GHR: variants seen among roughly 807,000 people sequenced by gnomAD.
GHR encodes the protein GH receptor.
In GHR, 35 loss-of-function variants were observed where a neutral mutation model predicts 67.1. The observed-to-expected ratio is 0.52, with a 90% CI of 0.40 to 0.69. GHR has a LOEUF of 0.69. Ranked by LOEUF, GHR falls within the 30% of genes least tolerant of loss-of-function variation. The pLI, the probability that GHR is intolerant of heterozygous loss-of-function variation, is 0.00. For synonymous variants in GHR, 272 were observed against 269.1 expected (o/e 1.01, Z -0.10); for missense variants, 792 against 764.6 (o/e 1.04, Z -0.42).
chr5:42,645,568 C>A (rs1754688390), intron 3 of GHR, among the ~76,000 whole-genome samples: 2 of 152,144 alleles, frequency 1.3e-5, no homozygotes, highest in Admixed American at 6.5e-5. Context: ...CCTTCTAATT[C>A]TTTGCTCTTG....
At chr5:42,689,805 G>A (rs146824175) in intron 4 of GHR, among the ~76,000 whole-genome samples, 31 of 152,284 alleles carry the variant, frequency 2.0e-4, no homozygotes, top group Admixed American at 4.6e-4. Context: ...AGGTGTTTTT[G>A]AAAAGATATA....
At chr5:42,547,568 C>G (rs184590124) in intron 1 of GHR, among the ~76,000 whole-genome samples, 1 of 152,178 alleles carries the variant, frequency 6.6e-6, no homozygotes, top group East Asian at 1.9e-4. Flanking sequence ...TAAAGGAGAT[C>G]TATTTCCCTC....
At chr5:42,605,917 A>T (rs951717197) in intron 2 of GHR, among the ~76,000 whole-genome samples, 1 of 152,174 alleles carries the variant, frequency 6.6e-6, no homozygotes, top group Non-Finnish European at 1.5e-5. Flanking sequence ...ATGCAGTCTA[A>T]CTCCGTCCAG....
chr5:42,458,168 GAA>G (rs1385055772), intron 1 of GHR, among the ~76,000 whole-genome samples: 1 of 152,108 alleles, frequency 6.6e-6, no homozygotes, highest in East Asian at 1.9e-4. Flanking sequence ...TGGACAATGA[GAA>G]TGTTTTTGTC....
chr5:42,588,204 T>C (rs1172189530), intron 2 of GHR, among the ~76,000 whole-genome samples: 1 of 151,896 alleles, frequency 6.6e-6, no homozygotes, highest in Non-Finnish European at 1.5e-5. Flanking sequence ...GGTCAGGCAG[T>C]GGTGGATGGT....
chr5:42,640,250 G>A (rs1036335786), intron 3 of GHR, among the ~76,000 whole-genome samples: 1 of 152,036 alleles, frequency 6.6e-6, no homozygotes, highest in African/African-American at 2.4e-5. Context: ...TTGGGGAGCT[G>A]GGAACCATGA....
intron 1 of GHR, among the ~76,000 whole-genome samples, chr5:42,505,122 GTTTT>G (rs35690685): frequency 7.4e-6 from 1 of 134,910 alleles, no homozygotes; most frequent in Non-Finnish European, 1.6e-5. Flanking sequence ...GCTGTTGACT[GTTTT>G]TTTTTTTTTT....
intron 1 of GHR, chr5:42,467,027 C>A (rs1744761984): frequency 6.4e-7 from 1 of 1,564,642 alleles, no homozygotes; most frequent in South Asian, 1.1e-5. Flanking sequence ...TGTCTGAAGG[C>A]CTTCCCACAC....
At chr5:42,486,809 T>G (rs925575676) in intron 1 of GHR, among the ~76,000 whole-genome samples, 1 of 144,960 alleles carries the variant, frequency 6.9e-6, no homozygotes, top group African/African-American at 2.6e-5. Flanking sequence ...ATCGCGCCAC[T>G]GCACTCCAGC....
At chr5:42,496,245 T>G (rs1189777162) in intron 1 of GHR, among the ~76,000 whole-genome samples, 4 of 152,160 alleles carry the variant, frequency 2.6e-5, no homozygotes, top group Non-Finnish European at 4.4e-5. Flanking sequence ...AGAGAATTGG[T>G]TCCTCCTGAT....
At chr5:42,465,289 G>C in intron 1 of GHR, 1 of 651,316 alleles carries the variant, frequency 1.5e-6, no homozygotes, top group Non-Finnish European at 2.7e-6. Flanking sequence ...TGAATGTGAT[G>C]ATCTTGAAGA....
intron 6 of GHR, among the ~76,000 whole-genome samples, chr5:42,709,705 T>C (rs1167723901): frequency 6.6e-6 from 1 of 152,144 alleles, no homozygotes; most frequent in East Asian, 1.9e-4. Context: ...ACATAATTAA[T>C]AATAGAAGAA....
At chr5:42,677,435 T>C (rs1363404788) in intron 3 of GHR, among the ~76,000 whole-genome samples, 1 of 152,194 alleles carries the variant, frequency 6.6e-6, no homozygotes, top group African/African-American at 2.4e-5. Context: ...CAGGAAAACA[T>C]AGACAAAGGC....
At chr5:42,492,405 A>G (rs1037563776) in intron 1 of GHR, among the ~76,000 whole-genome samples, 2 of 152,132 alleles carry the variant, frequency 1.3e-5, no homozygotes, top group Non-Finnish European at 2.9e-5. Context: ...TTTCTACCTT[A>G]TGGGGTCTGT....
chr5:42,500,380 C>T (rs1383608076), intron 1 of GHR, among the ~76,000 whole-genome samples: 1 of 152,258 alleles, frequency 6.6e-6, no homozygotes, highest in Non-Finnish European at 1.5e-5. Context: ...AATCTGGGTT[C>T]TGCCCTTCAG....
intron 1 of GHR, chr5:42,548,641 C>G (rs1282772143): frequency 4.2e-6 from 1 of 238,138 alleles, no homozygotes; most frequent in Non-Finnish European, 6.8e-6. Flanking sequence ...ATGGCTGTGG[C>G]CAGATGTTTT....
In GHR at chr5:42,719,324, G is replaced by A; in HGVS notation, c.1817G>A (p.Gly606Asp). 6.2e-7 allele frequency: 1 copy of A among 1,614,052 alleles called. No homozygotes were observed. The highest frequency in any genetic ancestry group is 8.5e-7 in the Non-Finnish European group (1 of 1,179,966). ...ATTCATATAGTACAGTCCCCACAGG[G>A]CCTCATACTCAATGCGACTGCCTTG... ...TSIHIVQSPQ[G>D]LILNATALPL... Residue 606 changes from glycine to aspartate, a missense_variant, in exon 10 of 10, where the codon GGC becomes GAC. Physicochemically the swap from Gly to Asp is moderately conservative, Grantham distance 94. Coordinates refer to ENST00000230882, the MANE Select transcript of GHR (RefSeq NM_000163.5).
intron 6 of GHR, among the ~76,000 whole-genome samples, chr5:42,710,132 T>A (rs1257095724): frequency 2.0e-5 from 3 of 151,980 alleles, no homozygotes; most frequent in Non-Finnish European, 2.9e-5. Flanking sequence ...CATGCAAATA[T>A]CCCATATATT....
intron 2 of GHR, among the ~76,000 whole-genome samples, chr5:42,570,527 T>C (rs1386348150): frequency 6.6e-6 from 1 of 152,242 alleles, no homozygotes; most frequent in Non-Finnish European, 1.5e-5. Flanking sequence ...ATTTATTTAT[T>C]CATTCAATTT....
Sources: allele counts gnomAD v4.1 joint callset (sites outside exome capture counted in the v4.1 genomes callset), GRCh38; gene constraint gnomAD v4.1.1; transcripts MANE v1.5; gene names NCBI Gene and HGNC (gene_info 2026-07-23, HGNC 2026-07-21).